The following ABI2 variants were observed in gnomAD, a reference collection of about 807,000 sequenced individuals.
The protein encoded by ABI2 is abelson interactor 2.
A neutral mutation model predicts 59.2 loss-of-function variants in ABI2; 25 were observed. That is an observed-to-expected ratio of 0.42 (90% CI 0.31 to 0.59). ABI2 has a LOEUF of 0.59. ABI2 is among the 20% of genes least tolerant of loss of function. The pLI, the probability that ABI2 is intolerant of heterozygous loss-of-function variation, is 0.14. For missense variants in ABI2, 545 were observed against 681.8 expected (o/e 0.80, Z 2.23); for synonymous variants, 213 against 235.5 (o/e 0.90, Z 0.87).
chr2:203,392,370 G>A (rs998285918), intron 5 of ABI2, among the ~76,000 whole-genome samples: 17 of 127,512 alleles, frequency 1.3e-4, no homozygotes, highest in African/African-American at 4.7e-4. Flanking sequence ...TCAAAAAACC[G>A]AAACCCAATC....
At chr2:203,387,880 C>T (rs1165445151) in intron 4 of ABI2, among the ~76,000 whole-genome samples, 3 of 152,210 alleles carry the variant, frequency 2.0e-5, no homozygotes, top group Non-Finnish European at 4.4e-5. Context: ...TCCTCTCCAT[C>T]AGCACATAGA....
intron 1 of ABI2, among the ~76,000 whole-genome samples, chr2:203,351,046 G>GTTCATA (rs2087961149): frequency 6.6e-6 from 1 of 152,048 alleles, no homozygotes; most frequent in Non-Finnish European, 1.5e-5. Context: ...TAAAGTAGGG[G>GTTCATA]TTCATATTTA....
chr2:203,330,286 A>G (rs930739216), intron 1 of ABI2, among the ~76,000 whole-genome samples: 2 of 152,074 alleles, frequency 1.3e-5, no homozygotes, highest in Non-Finnish European at 2.9e-5. Context: ...AGGCAAGATT[A>G]ATACAAAAAA....
intron 4 of ABI2, among the ~76,000 whole-genome samples, chr2:203,385,136 A>ATTTTTTTTTT (rs1231169110): frequency 3.8e-5 from 1 of 26,214 alleles, no homozygotes; most frequent in Non-Finnish European, 1.1e-4. Context: ...CCCGGCTCAG[A>ATTTTTTTTTT]TTCTTTTTTT....
At chr2:203,385,152 T>TTTTTTTTTTTTTTTA (rs71007511) in intron 4 of ABI2, among the ~76,000 whole-genome samples, 1 of 51,884 alleles carries the variant, frequency 1.9e-5, no homozygotes. Context: ...TTTTTTTTTT[T>TTTTTTTTTTTTTTTA]GAGACAGTCT....
intron 7 of ABI2, 95 bp downstream of exon 7, chr2:203,395,875 T>G (rs1483391549): frequency 7.4e-7 from 1 of 1,360,188 alleles, no homozygotes; most frequent in Non-Finnish European, 9.8e-7. Context: ...TAATCAGGAT[T>G]TTTTTTCTTT....
intron 1 of ABI2, chr2:203,351,420 T>C (rs2088302535): frequency 2.9e-6 from 1 of 340,336 alleles, no homozygotes; most frequent in Non-Finnish European, 5.6e-6. Flanking sequence ...GTAGATAAAC[T>C]TGGGGAGCCA....
At position 203,432,143 on chromosome 2, in the gene ABI2, G is replaced by C. The variant is rs895853598; in HGVS notation, c.*4791G>C. ...AATTGTTGCCGTGTACTAAGAACTTGACCTAAATAAAATCCCACAAAGTAT... is the reference window on the plus strand; with the variant it reads ...AATTGTTGCCGTGTACTAAGAACTTCACCTAAATAAAATCCCACAAAGTAT... On this transcript the variant is annotated 3_prime_UTR_variant, in exon 12 of 12. Coordinates refer to ENST00000261018, the MANE Select transcript of ABI2 (RefSeq NM_001375670.1). 6.6e-6 allele frequency: 1 copy of C among 152,120 alleles called. No homozygotes were observed. The highest frequency in any genetic ancestry group is 2.4e-5 in the African/African-American group (1 of 41,406). 9.4% of individuals were successfully genotyped at this position (152,120 alleles called of 1,614,324 possible). A position where few individuals can be genotyped will look rare whatever the true frequency, so the allele number is the denominator to read the frequency against.
chr2:203,372,633 G>A (rs2095342006), intron 2 of ABI2, among the ~76,000 whole-genome samples: 1 of 150,936 alleles, frequency 6.6e-6, no homozygotes, highest in Admixed American at 6.6e-5. Context: ...CCTCCCAGAC[G>A]GGGCAGCTGG....
chr2:203,393,383 A>T (rs552272148), intron 5 of ABI2, among the ~76,000 whole-genome samples: 1 of 152,306 alleles, frequency 6.6e-6, no homozygotes, highest in South Asian at 2.1e-4. Flanking sequence ...TGCCTGGGAA[A>T]AATTGTCTGA....
intron 2 of ABI2, chr2:203,375,824 G>T (rs1411257942): frequency 3.0e-5 from 10 of 333,612 alleles, no homozygotes; most frequent in African/African-American, 2.1e-5. Context: ...ACCAACCTGA[G>T]AATCTTCTGC....
intron 2 of ABI2, among the ~76,000 whole-genome samples, chr2:203,372,753 C>G (rs1374806752): frequency 2.0e-5 from 3 of 149,784 alleles, no homozygotes; most frequent in Non-Finnish European, 4.4e-5. Context: ...ACTTCTCAGA[C>G]GGGGCGGTTG....
intron 6 of ABI2, among the ~76,000 whole-genome samples, chr2:203,395,432 A>AT (rs2096932900): frequency 8.8e-6 from 1 of 113,328 alleles, no homozygotes; most frequent in African/African-American, 3.1e-5. Flanking sequence ...TTAATAAGTA[A>AT]ATATATATAT....
chr2:203,337,716 C>T (rs2077103605), intron 1 of ABI2, among the ~76,000 whole-genome samples: 1 of 152,180 alleles, frequency 6.6e-6, no homozygotes, highest in Admixed American at 6.6e-5. Flanking sequence ...AGGTATCATA[C>T]TTCCTGATTT....
At chr2:203,383,509 T>G (rs1263217157) in intron 4 of ABI2, among the ~76,000 whole-genome samples, 1 of 152,092 alleles carries the variant, frequency 6.6e-6, no homozygotes, top group Non-Finnish European at 1.5e-5. Context: ...GAAGAAAAAA[T>G]ACAGAAACAC....
chr2:203,411,029 A>G (rs889209065), intron 9 of ABI2, among the ~76,000 whole-genome samples: 4 of 151,456 alleles, frequency 2.6e-5, no homozygotes, highest in Admixed American at 2.6e-4. Flanking sequence ...ACATACGATT[A>G]TGTTATATAT....
chr2:203,383,380 G>A (rs2096258105), intron 4 of ABI2: 2 of 154,748 alleles, frequency 1.3e-5, no homozygotes, highest in Middle Eastern at 5.2e-4. Context: ...GGGTTGCAGT[G>A]AACTAGACCA....
intron 8 of ABI2, among the ~76,000 whole-genome samples, chr2:203,399,104 C>G (rs139452784): frequency 1.3e-5 from 2 of 152,140 alleles, no homozygotes; most frequent in African/African-American, 4.8e-5. Flanking sequence ...AAATTTTTAA[C>G]GTCATAAGAA....
chr2:203,395,994 G>A (rs1427024668), intron 7 of ABI2, among the ~76,000 whole-genome samples: 1 of 152,160 alleles, frequency 6.6e-6, no homozygotes, highest in African/African-American at 2.4e-5. Flanking sequence ...ATGTGGCTCA[G>A]TTGCTGCTTT....
Sources: gnomAD v4.1 joint callset for allele counts (sites outside exome capture counted in the v4.1 genomes callset) on GRCh38, gnomAD v4.1.1 for gene constraint, MANE v1.5 for transcripts, NCBI Gene and HGNC (gene_info 2026-07-23, HGNC 2026-07-21) for gene names.